The following ACER1 variants were observed in gnomAD, a reference collection of about 807,000 sequenced individuals.
ACER1 encodes alkaline ceramidase 1.
In ACER1, 28 loss-of-function variants were observed where a neutral mutation model predicts 24.9. The observed-to-expected ratio is 1.13, with a 90% CI of 0.83 to 1.54. ACER1 has a LOEUF of 1.54. ACER1 is among the 40% of genes most tolerant of loss of function. The pLI is 0.00. For synonymous variants in ACER1, 132 were observed against 131.4 expected, an observed-to-expected ratio of 1.00 and a Z score of -0.03; for missense variants, 352 against 349.3, an observed-to-expected ratio of 1.01 and a Z score of -0.06.
the ACER1 span, among the ~76,000 whole-genome samples, chr19:6,345,281 T>A: frequency 6.6e-6 from 1 of 152,192 alleles, no homozygotes; most frequent in African/African-American, 2.4e-5. Flanking sequence ...TGTCTATGGC[T>A]ACTTTTATGC....
At chr19:6,311,419 G>A (rs1024714910) in intron 3 of ACER1, among the ~76,000 whole-genome samples, 15 of 152,066 alleles carry the variant, frequency 9.9e-5, no homozygotes, top group Non-Finnish European at 1.9e-4. Context: ...GCAGGTGCCT[G>A]TAATCCCAGC....
chr19:6,335,683 T>C (rs945966169), upstream of ACER1, among the ~76,000 whole-genome samples: 2 of 151,656 alleles, frequency 1.3e-5, no homozygotes, highest in Non-Finnish European at 2.9e-5. Context: ...ACAAAAAAGG[T>C]AGCTGGGCGT....
chr19:6,312,931 C>G (rs2091589081), intron 1 of ACER1, among the ~76,000 whole-genome samples: 1 of 152,088 alleles, frequency 6.6e-6, no homozygotes, highest in Non-Finnish European at 1.5e-5. Flanking sequence ...CCCATCTTGG[C>G]CTCCCCAAAG....
At position 6,307,252 on chromosome 19, in the gene ACER1, G is replaced by A; in HGVS notation, c.527C>T (p.Ser176Phe). 7 of 1,614,110 alleles carry A rather than the reference G, an allele frequency of 4.3e-6. No individual in the cohort carries two copies. Among genetic ancestry groups the A allele is most frequent in the Non-Finnish European group, 5.9e-6 (7 of 1,180,028 alleles). ...CAGAGCAACAGCCCATAAAACCACG[G>A]AGACCTCAATCAGGTGCCGAAGCTC... ...NKELRHLIEV[S>F]VVLWAVALTS... Residue 176 changes from serine to phenylalanine, a missense_variant, in exon 5 of 6, where the codon TCC (serine) becomes TTC (phenylalanine). Transcript: ENST00000301452.
upstream of ACER1, among the ~76,000 whole-genome samples, chr19:6,336,089 C>CG (rs1013232365): frequency 6.6e-6 from 1 of 151,786 alleles, no homozygotes; most frequent in Non-Finnish European, 1.5e-5. Context: ...TTAGTAGAGA[C>CG]GGGGTTTCAC....
At chr19:6,346,636 C>T in the ACER1 span, among the ~76,000 whole-genome samples, 1 of 151,482 alleles carries the variant, frequency 6.6e-6, no homozygotes, top group Non-Finnish European at 1.5e-5. Context: ...ACACCTTGGC[C>T]TCCCAAAATG....
chr19:6,355,627 G>T, the ACER1 span, among the ~76,000 whole-genome samples: 4 of 147,558 alleles, frequency 2.7e-5, no homozygotes, highest in Non-Finnish European at 6.0e-5. Flanking sequence ...AGGTGGGGGG[G>T]GTCAGCCCCC....
intron 1 of ACER1, among the ~76,000 whole-genome samples, chr19:6,315,144 A>G (rs1007957799): frequency 6.6e-6 from 1 of 151,658 alleles, no homozygotes; most frequent in Non-Finnish European, 1.5e-5. Flanking sequence ...CGGCCTCCCA[A>G]AGTGCTGGGA....
Position 6,306,809 on chromosome 19 carries a change from G to A in ACER1, c.700C>T (p.Pro234Ser), listed in dbSNP as rs757612469. Reference sequence around the variant, plus strand: ...TAGCGGACTTTGAGGGTTTCACCTGGCATCTCATAGTTGGCATCCACCAAG... The same window carrying A: ...TAGCGGACTTTGAGGGTTTCACCTGACATCTCATAGTTGGCATCCACCAAG... ...MALVDANYEM[P>S]GETLKVRYWP... is the part of the protein sequence containing the mutation. The change falls in exon 6 of 6, where the codon CCA becomes TCA. Residue 234 changes from proline (P) to serine (S), a missense_variant. By Grantham distance (74) the Pro-to-Ser change is moderately conservative. Coordinates refer to ENST00000301452, the MANE Select transcript of ACER1 (RefSeq NM_133492.3). The A allele has an allele frequency of 4.3e-6, 7 of 1,614,062 alleles. No homozygotes were observed. The South Asian group carries it at 6.6e-5, about 15-fold the overall frequency.
At chr19:6,347,109 A>AAAAAAAAAAAAAAAAAAAAATAT in the ACER1 span, among the ~76,000 whole-genome samples, 1 of 113,778 alleles carries the variant, frequency 8.8e-6, no homozygotes, top group African/African-American at 5.1e-5. Context: ...AAAAAAAAAA[A>AAAAAAAAAAAAAAAAAAAAATAT]ATATATATAT....
At chr19:6,312,041 G>A in intron 3 of ACER1, 108 bp downstream of exon 3, 1 of 1,405,648 alleles carries the variant, frequency 7.1e-7, no homozygotes, top group Admixed American at 2.7e-5. Flanking sequence ...AATTCCAAGG[G>A]CCCCAAAGAG....
At chr19:6,310,531 C>G (rs1259866607) in intron 3 of ACER1, among the ~76,000 whole-genome samples, 1 of 151,918 alleles carries the variant, frequency 6.6e-6, no homozygotes, top group Admixed American at 6.6e-5. Context: ...GATCACGCCA[C>G]GGCACTCCAG....
At chr19:6,350,637 G>T in the ACER1 span, among the ~76,000 whole-genome samples, 1 of 147,306 alleles carries the variant, frequency 6.8e-6, no homozygotes, top group Non-Finnish European at 1.5e-5. Context: ...GAGGGAGGGA[G>T]AGAGGGAGGG....
the ACER1 span, among the ~76,000 whole-genome samples, chr19:6,354,043 A>T: frequency 6.6e-6 from 1 of 150,654 alleles, no homozygotes; most frequent in Non-Finnish European, 1.5e-5. Context: ...TTAGCCAGGC[A>T]TGGTGGTTCA....
the ACER1 span, among the ~76,000 whole-genome samples, chr19:6,356,888 A>G: frequency 6.6e-6 from 1 of 152,146 alleles, no homozygotes; most frequent in South Asian, 2.1e-4. Flanking sequence ...TGTTCTGCAG[A>G]CAATAGAAAA....
chr19:6,353,948 G>A, the ACER1 span, among the ~76,000 whole-genome samples: 3 of 151,698 alleles, frequency 2.0e-5, no homozygotes, highest in East Asian at 1.9e-4. Flanking sequence ...TTGGGAGGCC[G>A]AGGTGGGCAA....
chr19:6,344,500 T>C, the ACER1 span, among the ~76,000 whole-genome samples: 1 of 151,954 alleles, frequency 6.6e-6, no homozygotes, highest in African/African-American at 2.4e-5. Context: ...AAATAGTGGA[T>C]TCTCCTGCCT....
chr19:6,326,127 T>TC (rs2091660371), intron 1 of ACER1, among the ~76,000 whole-genome samples: 1 of 146,900 alleles, frequency 6.8e-6, no homozygotes. Flanking sequence ...GCTATTTTTT[T>TC]TTTTTTTTTT....
chr19:6,351,936 G>A, the ACER1 span, among the ~76,000 whole-genome samples: 1 of 150,950 alleles, frequency 6.6e-6, no homozygotes, highest in African/African-American at 2.4e-5. Context: ...GGCGCCTGTC[G>A]TCCCAGCTAC....
Sources: allele counts gnomAD v4.1 joint callset (sites outside exome capture counted in the v4.1 genomes callset), GRCh38; gene constraint gnomAD v4.1.1; transcripts MANE v1.5; gene names NCBI Gene and HGNC (gene_info 2026-07-23, HGNC 2026-07-21).